MROH7: variants seen among roughly 807,000 people sequenced by gnomAD.
The protein encoded by MROH7 is maestro heat like repeat family member 7.
In MROH7, 113 loss-of-function variants were observed where a neutral mutation model predicts 129.2. That is an observed-to-expected ratio of 0.87 (90% confidence interval 0.75 to 1.02). The LOEUF (loss-of-function observed/expected upper bound fraction) is 1.02. Among genes scored for constraint, MROH7 ranks in the 50% least tolerant of loss-of-function variants. The pLI, the probability that MROH7 is intolerant of heterozygous loss-of-function variation, is 0.00. For synonymous variants in MROH7, 655 were observed against 667.9 expected (o/e 0.98, Z 0.30); for missense variants, 1,601 against 1,671.3 (o/e 0.96, Z 0.73).
At chr1:54,694,155 T>A (rs1420892441) in intron 16 of MROH7, among the ~76,000 whole-genome samples, 2 of 152,204 alleles carry the variant, frequency 1.3e-5, no homozygotes, top group African/African-American at 4.8e-5. Context: ...GTGTTCGGAT[T>A]ACAGGCGTGA....
Position 54,678,636 on chromosome 1 carries a change from T to C in MROH7, c.1937-106T>C, listed in dbSNP as rs180972821. The C allele has an allele frequency of 4.8e-4, 362 of 757,146 alleles. No individual in the cohort carries two copies. In the African/African-American group the frequency reaches 5.5e-3, roughly 11 times the overall value. The allele number at this position is 757,146 out of a possible 1,614,324, so 46.9% of individuals were successfully genotyped here. ...GCTGGCTACAATGGTGTGTTCACTA[T>C]GTGAAAATGTATCAAGTTAGTTCCT... On this transcript the variant is annotated intron_variant, in intron 10 of 23. Transcript: ENST00000421030.
chr1:54,651,749 CTT>C (rs1026908205), intron 1 of MROH7, 198 bp from the exon 2 acceptor site: 1 of 152,300 alleles, frequency 6.6e-6, no homozygotes, highest in African/African-American at 2.4e-5. Flanking sequence ...ACCTTCCTCT[CTT>C]TGACCTTCAC....
chr1:54,673,960 A>G (rs1403480598), intron 9 of MROH7, 56 bp from the exon 10 acceptor site: 6 of 1,592,532 alleles, frequency 3.8e-6, no homozygotes, highest in African/African-American at 1.3e-5. Context: ...TCACCATTTA[A>G]TGTATAGCAT....
intron 1 of MROH7, among the ~76,000 whole-genome samples, chr1:54,646,134 T>A (rs1482071452): frequency 6.6e-6 from 1 of 152,196 alleles, no homozygotes; most frequent in African/African-American, 2.4e-5. Context: ...CCTGGGCCAC[T>A]TGTTATCACT....
chr1:54,641,934 G>A lies in MROH7; in HGVS notation c.-144G>A, dbSNP rs1628712. 1 allele frequency: 151,937 copies of A among 152,358 alleles called. 75,762 individuals are homozygous for A. Among genetic ancestry groups the A allele is most frequent in the Middle Eastern group, 1 (294 of 294 alleles). The allele number at this position is 152,358 out of a possible 1,614,324, so 9.4% of individuals were successfully genotyped here. Reference sequence around the variant, plus strand: ...ACTTCATATCTTTGGCTTAGAGCTGGATTTTCTGTTACCATGTGGATGCTC... The same window carrying A: ...ACTTCATATCTTTGGCTTAGAGCTGAATTTTCTGTTACCATGTGGATGCTC... On this transcript the variant is annotated 5_prime_UTR_variant, in exon 1 of 24. Coordinates refer to ENST00000421030, the MANE Select transcript of MROH7 (RefSeq NM_001039464.4).
chr1:54,707,609 A>G (rs1433877013), intron 22 of MROH7, among the ~76,000 whole-genome samples: 1 of 152,156 alleles, frequency 6.6e-6, no homozygotes, highest in Non-Finnish European at 1.5e-5. Context: ...TCTACTTCCT[A>G]CGTGCTGATT....
chr1:54,661,051 A>C (rs1167127524), intron 3 of MROH7, among the ~76,000 whole-genome samples: 1 of 146,500 alleles, frequency 6.8e-6, no homozygotes, highest in African/African-American at 2.5e-5. Flanking sequence ...CGGCATGTAC[A>C]TTTTGCTCAT....
rs781230144 is a variant in MROH7, at chr1:54,653,064, G to A, written c.138G>A (p.Met46Ile). ...QPHPDMAQVP[M>I]LNLLPSPGLA... is the part of the protein sequence containing the mutation. The stretch of plus-strand genomic sequence containing the variant: ...ACCCAGACATGGCTCAGGTGCCTAT[G>A]TTGAATCTGCTCCCAAGTCCTGGCT... The change falls in exon 3 of 24, where the codon ATG (methionine) becomes ATA (isoleucine). Residue 46 changes from methionine (M) to isoleucine (I), a missense_variant. Physicochemically the swap from Met to Ile is conservative, Grantham distance 10. Coordinates refer to ENST00000421030, the MANE Select transcript of MROH7 (RefSeq NM_001039464.4). 5 of 1,614,196 alleles carry A rather than the reference G, an allele frequency of 3.1e-6. No homozygotes were observed. The South Asian group carries it at 5.5e-5, about 18-fold the overall frequency.
chr1:54,709,904 C>G, intron 23 of MROH7, 42 bp from the exon 24 acceptor site: 1 of 1,595,664 alleles, frequency 6.3e-7, no homozygotes, highest in Non-Finnish European at 8.6e-7. Flanking sequence ...CACATAGGGC[C>G]CTGGGTCTTA....
chr1:54,694,127 C>T (rs571548051), intron 16 of MROH7, among the ~76,000 whole-genome samples: 9 of 152,132 alleles, frequency 5.9e-5, no homozygotes, highest in Non-Finnish European at 1.2e-4. Flanking sequence ...GGTGATCTGC[C>T]CGCCTTGGCC....
chr1:54,656,924 T>TC (rs1644658180), intron 3 of MROH7, among the ~76,000 whole-genome samples: 1 of 152,108 alleles, frequency 6.6e-6, no homozygotes, highest in African/African-American at 2.4e-5. Flanking sequence ...CAATGACTCA[T>TC]GCCTGTAATA....
In MROH7 at chr1:54,673,084, TC is replaced by T; in HGVS notation, c.1600-5del. Reference sequence around the variant, plus strand: ...CCTTAGTGGCTTGGTCCTCCTCCCATCCACAGGCTCTTTACCATCAGACCCT... The same window carrying T: ...CCTTAGTGGCTTGGTCCTCCTCCCATCACAGGCTCTTTACCATCAGACCCT... On this transcript the variant is annotated splice_polypyrimidine_tract_variant and splice_region_variant and intron_variant, in intron 7 of 23. Coordinates refer to ENST00000421030, the MANE Select transcript of MROH7 (RefSeq NM_001039464.4). 6.2e-7 allele frequency: 1 copy of T among 1,611,268 alleles called. No homozygotes were observed. The highest frequency in any genetic ancestry group is 8.5e-7 in the Non-Finnish European group (1 of 1,177,692).
intron 7 of MROH7, among the ~76,000 whole-genome samples, chr1:54,672,843 C>G (rs371685488): frequency 6.6e-6 from 1 of 151,962 alleles, no homozygotes; most frequent in East Asian, 1.9e-4. Context: ...GCTGGATCTC[C>G]GCTTCCCTCC....
rs1557704220 is a variant in MROH7 at position 54,670,830 on chromosome 1, G to A, written c.1500G>A (p.Glu500=). ...CCCAGCCCACCCTGGGCATGCGGGAGAGGTCGGAGCTGGTGAACGTGTGTG... is the reference window on the plus strand; with the variant it reads ...CCCAGCCCACCCTGGGCATGCGGGAAAGGTCGGAGCTGGTGAACGTGTGTG... ...SHTQPTLGMR[E]RSELVNVCVH... is the part of the protein sequence containing the mutation. The change falls in exon 7 of 24, where the codon GAG becomes GAA. Residue 500 remains glutamate (E), a synonymous_variant. Transcript: ENST00000421030. The A allele has an allele frequency of 6.2e-7, 1 of 1,614,126 alleles. No homozygotes were observed. Among genetic ancestry groups the A allele is most frequent in the South Asian group, 1.1e-5 (1 of 91,058 alleles).
intron 3 of MROH7, among the ~76,000 whole-genome samples, chr1:54,654,898 T>A (rs139009556): frequency 6.6e-6 from 1 of 152,320 alleles, no homozygotes; most frequent in East Asian, 1.9e-4. Flanking sequence ...CAGTTTCTGA[T>A]GCTGTAAATA....
chr1:54,678,675 C>T, intron 10 of MROH7, 67 bp from the exon 11 acceptor site: 2 of 1,069,902 alleles, frequency 1.9e-6, no homozygotes, highest in Non-Finnish European at 2.9e-6. Context: ...GATGTAGGGA[C>T]TTCCTACATG....
At position 54,709,975 on chromosome 1, in the gene MROH7, G is replaced by C; in HGVS notation, c.3760G>C (p.Ala1254Pro). ...GGATAACTTGAGACATGACCCAGAA[G>C]CATCAGTGTGCATCTACGCAGCCCA... ...ALDNLRHDPE[A>P]SVCIYAAQVQ... The change falls in exon 24 of 24, where the codon GCA becomes CCA. Residue 1254 changes from alanine to proline, a missense_variant. Ala to Pro is a conservative substitution (Grantham distance 27). Coordinates refer to ENST00000421030, the MANE Select transcript of MROH7 (RefSeq NM_001039464.4). The C allele has an allele frequency of 6.2e-7, 1 of 1,613,968 alleles. No homozygotes were observed. The highest frequency in any genetic ancestry group is 8.5e-7 in the Non-Finnish European group (1 of 1,179,876).
At chr1:54,705,124 C>A (rs1645511796) in intron 21 of MROH7, among the ~76,000 whole-genome samples, 1 of 152,136 alleles carries the variant, frequency 6.6e-6, no homozygotes, top group Non-Finnish European at 1.5e-5. Context: ...AAACACTGTG[C>A]TTGTCATTGC....
At chr1:54,685,093 C>G (rs572844666) in intron 14 of MROH7, among the ~76,000 whole-genome samples, 35 of 152,050 alleles carry the variant, frequency 2.3e-4, no homozygotes, top group Admixed American at 2.2e-3. Flanking sequence ...TGGTTCACCA[C>G]AACCCCTCCA....
Sources: gnomAD v4.1 joint callset for allele counts (sites outside exome capture counted in the v4.1 genomes callset) on GRCh38, gnomAD v4.1.1 for gene constraint, MANE v1.5 for transcripts, NCBI Gene and HGNC (gene_info 2026-07-23, HGNC 2026-07-21) for gene names.